Variants in ABTB3 observed in about 807,000 individuals in gnomAD.
The protein encoded by ABTB3 is ankyrin repeat- and BTB/POZ domain-containing protein 3.
At chr12:107,391,661 TATA>T in the ABTB3 span, among the ~76,000 whole-genome samples, 1 of 152,202 alleles carries the variant, frequency 6.6e-6, no homozygotes, top group African/African-American at 2.4e-5. Context: ...CTTCCTTTCA[TATA>T]ATGAGAAAAT....
At chr12:107,383,808 G>T in the ABTB3 span, among the ~76,000 whole-genome samples, 1 of 152,188 alleles carries the variant, frequency 6.6e-6, no homozygotes, top group Non-Finnish European at 1.5e-5. Context: ...TATGGAAATG[G>T]TGTGTGTCCC....
the ABTB3 span, among the ~76,000 whole-genome samples, chr12:107,394,783 TC>T: frequency 3.3e-5 from 5 of 152,186 alleles, no homozygotes; most frequent in East Asian, 7.7e-4. Context: ...ATAGCTGTTT[TC>T]CTCCTCCTCA....
chr12:107,369,267 T>C, the ABTB3 span, among the ~76,000 whole-genome samples: 1 of 152,206 alleles, frequency 6.6e-6, no homozygotes, highest in Non-Finnish European at 1.5e-5. Flanking sequence ...GAGTCTACTT[T>C]CATATATTGT....
At chr12:107,319,871 A>C in the ABTB3 span, 1 of 1,252,902 alleles carries the variant, frequency 8.0e-7, no homozygotes, top group Non-Finnish European at 1.0e-6. Flanking sequence ...CAGCGGGGGC[A>C]GCAGCTGTTG....
At chr12:107,354,941 C>T in the ABTB3 span, among the ~76,000 whole-genome samples, 1 of 152,136 alleles carries the variant, frequency 6.6e-6, no homozygotes, top group Non-Finnish European at 1.5e-5. Context: ...TTTGACTCTG[C>T]CTTCCTCTCT....
the ABTB3 span, among the ~76,000 whole-genome samples, chr12:107,484,861 G>C: frequency 2.0e-5 from 3 of 152,126 alleles, no homozygotes; most frequent in African/African-American, 4.8e-5. Context: ...CTGACTTCAG[G>C]GTTTTTGGCC....
At chr12:107,342,859 C>T in the ABTB3 span, among the ~76,000 whole-genome samples, 1 of 152,138 alleles carries the variant, frequency 6.6e-6, no homozygotes, top group African/African-American at 2.4e-5. Flanking sequence ...TCCTTTGAAC[C>T]CCCGTAGGCT....
At chr12:107,425,829 A>G in the ABTB3 span, among the ~76,000 whole-genome samples, 4 of 152,202 alleles carry the variant, frequency 2.6e-5, no homozygotes, top group Admixed American at 2.6e-4. Context: ...AGTTGGTGCC[A>G]ATCCTCCCCT....
chr12:107,373,822 C>T, the ABTB3 span, among the ~76,000 whole-genome samples: 1 of 152,212 alleles, frequency 6.6e-6, no homozygotes, highest in African/African-American at 2.4e-5. Flanking sequence ...CAGCATCCTG[C>T]GCTTTCCCTA....
the ABTB3 span, among the ~76,000 whole-genome samples, chr12:107,389,503 A>G: frequency 2.0e-5 from 3 of 152,144 alleles, no homozygotes; most frequent in Non-Finnish European, 2.9e-5. Context: ...TCTGCCCCCA[A>G]CAAGAGGTTC....
chr12:107,474,593 C>G, the ABTB3 span, among the ~76,000 whole-genome samples: 3 of 152,006 alleles, frequency 2.0e-5, no homozygotes, highest in Admixed American at 6.6e-5. Context: ...AGTAGTTGGC[C>G]ACAAAGGGAA....
the ABTB3 span, among the ~76,000 whole-genome samples, chr12:107,363,383 T>C: frequency 6.6e-6 from 1 of 152,248 alleles, no homozygotes; most frequent in Non-Finnish European, 1.5e-5. Context: ...ACTTAAGGAT[T>C]GCAGTGCCTC....
the ABTB3 span, among the ~76,000 whole-genome samples, chr12:107,531,554 G>A: frequency 2.6e-5 from 4 of 152,056 alleles, no homozygotes; most frequent in Non-Finnish European, 4.4e-5. Flanking sequence ...CAATGTCTCC[G>A]TTCCTCTCAA....
the ABTB3 span, among the ~76,000 whole-genome samples, chr12:107,356,171 T>G: frequency 6.6e-6 from 1 of 152,140 alleles, no homozygotes; most frequent in South Asian, 2.1e-4. Context: ...GGGTAGGAAA[T>G]GGCGTGATAT....
At chr12:107,580,963 G>C in the ABTB3 span, 2 of 1,551,680 alleles carry the variant, frequency 1.3e-6, no homozygotes, top group Non-Finnish European at 1.7e-6. Flanking sequence ...CACCGGTGCG[G>C]TCCGGATGTC....
chr12:107,604,528 G>A, the ABTB3 span, among the ~76,000 whole-genome samples: 158 of 152,222 alleles, frequency 1.0e-3, no homozygotes, highest in African/African-American at 3.6e-3. Flanking sequence ...GCTCAATATC[G>A]CTAACTGTCA....
chr12:107,493,266 C>T, the ABTB3 span, among the ~76,000 whole-genome samples: 1 of 152,076 alleles, frequency 6.6e-6, no homozygotes, highest in Non-Finnish European at 1.5e-5. Context: ...AAGCTCTGTC[C>T]CTGTCCCTTC....
At chr12:107,461,036 G>A in the ABTB3 span, among the ~76,000 whole-genome samples, 2 of 152,126 alleles carry the variant, frequency 1.3e-5, no homozygotes, top group Admixed American at 6.5e-5. Flanking sequence ...CCTCAGGGCT[G>A]GGGAGGCCTC....
chr12:107,343,873 A>G, the ABTB3 span, among the ~76,000 whole-genome samples: 1 of 152,190 alleles, frequency 6.6e-6, no homozygotes, highest in African/African-American at 2.4e-5. Context: ...TTCACTCACT[A>G]TCATGAGAAC....
Sources: allele counts gnomAD v4.1 joint callset (sites outside exome capture counted in the v4.1 genomes callset), GRCh38; gene constraint gnomAD v4.1.1; transcripts MANE v1.5; gene names NCBI Gene and HGNC (gene_info 2026-07-23, HGNC 2026-07-21).